Variants in AGBL1 observed in about 807,000 individuals in gnomAD.
The protein encoded by AGBL1 is AGBL carboxypeptidase 1, also known as cytosolic carboxypeptidase 4.
A neutral mutation model predicts 118.9 loss-of-function variants in AGBL1; 130 were observed. The observed-to-expected ratio is 1.09, with a 90% CI of 0.95 to 1.26. AGBL1 has a LOEUF of 1.26. AGBL1 is among the 50% of genes most tolerant of loss of function. AGBL1 has a pLI of 0.00. For missense variants in AGBL1, 1,584 were observed against 1,298.1 expected (o/e 1.22, Z -3.38); for synonymous variants, 555 against 478.9 (o/e 1.16, Z -2.08).
chr15:86,538,784 G>A (rs533943944), intron 19 of AGBL1, among the ~76,000 whole-genome samples: 5 of 152,314 alleles, frequency 3.3e-5, no homozygotes, highest in East Asian at 1.9e-4. Context: ...AAAGCAGAGC[G>A]GTAAACACAA....
At chr15:86,492,464 T>A (rs778720065) in intron 18 of AGBL1, among the ~76,000 whole-genome samples, 2 of 151,542 alleles carry the variant, frequency 1.3e-5, no homozygotes, top group Non-Finnish European at 2.9e-5. Context: ...GTGATGTGCA[T>A]CTGTAATCCC....
intron 21 of AGBL1, among the ~76,000 whole-genome samples, chr15:86,612,123 T>C (rs1171179006): frequency 6.6e-6 from 1 of 152,044 alleles, no homozygotes; most frequent in Non-Finnish European, 1.5e-5. Context: ...AAAACCTCCA[T>C]AGTGCTCTTC....
intron 22 of AGBL1, among the ~76,000 whole-genome samples, chr15:86,895,200 CTTT>C (rs2080108281): frequency 6.7e-6 from 1 of 148,476 alleles, no homozygotes; most frequent in African/African-American, 2.5e-5. Context: ...CCCAGCCTTA[CTTT>C]TTTGTTTTTA....
In AGBL1 at chr15:86,368,633, TCTG is replaced by T. The variant is rs1388759611; in HGVS notation, c.2375-28730_2375-28728del. ...GAAGGAATTAATGAAGTGAAAGAAA[TCTG>T]CTCAGAGGCAGCACAAGAGGAATGG... On this transcript the variant is annotated intron_variant, in intron 17 of 22. Coordinates refer to ENST00000614907, the MANE Select transcript of AGBL1 (RefSeq NM_001386094.1). Among the ~76,000 whole-genome samples the T allele has an allele frequency of 2.2e-4, 34 of 151,982 alleles. 1 individual carries two copies. The highest frequency in any genetic ancestry group is 1.3e-4 in the Admixed American group (2 of 15,260).
chr15:86,836,526 C>T (rs992125174), intron 22 of AGBL1, among the ~76,000 whole-genome samples: 4 of 152,176 alleles, frequency 2.6e-5, no homozygotes, highest in Non-Finnish European at 4.4e-5. Flanking sequence ...GGTCCTCCAA[C>T]AGTCTGTTCT....
chr15:86,719,593 C>A (rs2086687002), intron 22 of AGBL1, among the ~76,000 whole-genome samples: 1 of 152,112 alleles, frequency 6.6e-6, no homozygotes, highest in Non-Finnish European at 1.5e-5. Context: ...ATTCAGTCAT[C>A]CTATCCTCCC....
At chr15:86,708,157 A>G (rs1307414293) in intron 22 of AGBL1, among the ~76,000 whole-genome samples, 3 of 152,096 alleles carry the variant, frequency 2.0e-5, no homozygotes, top group Non-Finnish European at 4.4e-5. Flanking sequence ...TCCTCTCTCC[A>G]AATGTAGTTA....
At chr15:86,494,430 C>A (rs746901826) in intron 18 of AGBL1, among the ~76,000 whole-genome samples, 7 of 152,004 alleles carry the variant, frequency 4.6e-5, no homozygotes, top group Non-Finnish European at 8.8e-5. Flanking sequence ...AGAAAGTTGA[C>A]TATGGAGTAT....
At chr15:86,339,126 G>A (rs749363288) in intron 17 of AGBL1, among the ~76,000 whole-genome samples, 6 of 151,962 alleles carry the variant, frequency 3.9e-5, no homozygotes, top group South Asian at 2.1e-4. Context: ...CACTAGATAC[G>A]GAATTCTGGG....
chr15:86,499,888 G>A (rs1403008274), intron 18 of AGBL1, among the ~76,000 whole-genome samples: 1 of 151,860 alleles, frequency 6.6e-6, no homozygotes, highest in Admixed American at 6.6e-5. Context: ...GCAGGGAATT[G>A]TTGTTCCTCC....
intron 1 of AGBL1, among the ~76,000 whole-genome samples, chr15:86,080,938 CG>C (rs542077190): frequency 9.4e-4 from 125 of 132,840 alleles, no homozygotes; most frequent in Middle Eastern, 3.5e-3. Context: ...CTTGTGGGGG[CG>C]GGGGGGGGTC....
At chr15:86,466,189 C>A (rs2082403687) in intron 18 of AGBL1, among the ~76,000 whole-genome samples, 1 of 152,132 alleles carries the variant, frequency 6.6e-6, no homozygotes, top group Non-Finnish European at 1.5e-5. Context: ...AGTCTTTGTT[C>A]CTTTTCATTC....
intron 11 of AGBL1, 148 bp downstream of exon 11, chr15:86,264,986 A>G: frequency 1.2e-6 from 1 of 803,664 alleles, no homozygotes. Context: ...CTGGCCAAAC[A>G]CACAAACTTT....
chr15:86,707,587 T>C (rs986519580), intron 22 of AGBL1, among the ~76,000 whole-genome samples: 13 of 152,054 alleles, frequency 8.5e-5, no homozygotes, highest in African/African-American at 2.7e-4. Context: ...TCCCATAATT[T>C]GGAAAAAAGA....
chr15:86,398,824 C>T (rs1461316529), intron 18 of AGBL1, among the ~76,000 whole-genome samples: 1 of 151,812 alleles, frequency 6.6e-6, no homozygotes, highest in Non-Finnish European at 1.5e-5. Flanking sequence ...AGCATAAATT[C>T]CAAATGATGA....
intron 22 of AGBL1, among the ~76,000 whole-genome samples, chr15:86,678,762 G>A (rs1470888910): frequency 6.6e-6 from 1 of 152,002 alleles, no homozygotes; most frequent in Non-Finnish European, 1.5e-5. Flanking sequence ...ATTGAACTGA[G>A]GTAGGCAGGT....
At chr15:86,315,199 A>G (rs1428276979) in intron 17 of AGBL1, among the ~76,000 whole-genome samples, 1 of 152,100 alleles carries the variant, frequency 6.6e-6, no homozygotes, top group Non-Finnish European at 1.5e-5. Context: ...TAATGGTGAA[A>G]CTCAAATGGA....
Position 87,025,190 on chromosome 15 carries a change from G to T in AGBL1, c.3324-3635G>T, listed in dbSNP as rs552233961. The stretch of plus-strand genomic sequence containing the variant: ...AAATTGGTAAAGAGGGAGTCAAACT[G>T]CTGCTGTTTGCTGATGATATGATTG... On this transcript the variant is annotated intron_variant, in intron 24 of 24. Coordinates refer to the AGBL1 transcript ENST00000441037. Among the ~76,000 whole-genome samples, 104 of 152,056 alleles carry T rather than the reference G, an allele frequency of 6.8e-4. 1 individual carries two copies. Among genetic ancestry groups the T allele is most frequent in the South Asian group, 6.2e-3 (30 of 4,814 alleles).
intron 24 of AGBL1, among the ~76,000 whole-genome samples, chr15:87,015,894 G>A (rs1010115288): frequency 6.6e-6 from 1 of 152,156 alleles, no homozygotes; most frequent in Non-Finnish European, 1.5e-5. Flanking sequence ...TTAGAATGAT[G>A]TTAAATTTGC....
Sources: gnomAD v4.1 joint callset for allele counts (sites outside exome capture counted in the v4.1 genomes callset) on GRCh38, gnomAD v4.1.1 for gene constraint, MANE v1.5 for transcripts, NCBI Gene and HGNC (gene_info 2026-07-23, HGNC 2026-07-21) for gene names.